The following QKI variants were observed in gnomAD, a reference collection of about 807,000 sequenced individuals.
QKI encodes QKI, KH domain containing RNA binding.
QKI carries 10 observed loss-of-function variants against 39.0 expected under a neutral mutation model. The observed-to-expected ratio is 0.26, with a 90% confidence interval of 0.16 to 0.43. The LOEUF (loss-of-function observed/expected upper bound fraction) is 0.43, where lower values mean the gene tolerates loss of function less well. Ranked by LOEUF, QKI falls within the 20% of genes least tolerant of loss-of-function variation. The pLI, the probability that QKI is intolerant of heterozygous loss-of-function variation, is 1.00. For synonymous variants in QKI, 204 were observed against 155.4 expected, an observed-to-expected ratio of 1.31 and a Z score of -2.33; for missense variants, 218 against 428.0, an observed-to-expected ratio of 0.51 and a Z score of 4.33.
intron 1 of QKI, among the ~76,000 whole-genome samples, chr6:163,432,886 A>G (rs1788948784): frequency 6.6e-6 from 1 of 152,194 alleles, no homozygotes; most frequent in Admixed American, 6.5e-5. Flanking sequence ...TAAATTTTGA[A>G]GGGTGATCTG....
intron 1 of QKI, among the ~76,000 whole-genome samples, chr6:163,417,450 T>C (rs1787612932): frequency 6.6e-6 from 1 of 152,224 alleles, no homozygotes; most frequent in Admixed American, 6.5e-5. Flanking sequence ...CTGCATACTT[T>C]TGCGTTCTTT....
chr6:163,507,115 C>T (rs1779150210), intron 3 of QKI, among the ~76,000 whole-genome samples: 2 of 152,176 alleles, frequency 1.3e-5, no homozygotes, highest in Admixed American at 1.3e-4. Flanking sequence ...TGCTGTATCA[C>T]CTGTGAATAC....
chr6:163,505,800 A>T (rs1779055987), intron 3 of QKI, among the ~76,000 whole-genome samples: 1 of 152,112 alleles, frequency 6.6e-6, no homozygotes, highest in South Asian at 2.1e-4. Flanking sequence ...GACTTTGGGG[A>T]AGTAACTAGT....
At chr6:163,467,172 C>T (rs189712528) in intron 2 of QKI, among the ~76,000 whole-genome samples, 6 of 152,284 alleles carry the variant, frequency 3.9e-5, no homozygotes, top group African/African-American at 7.2e-5. Flanking sequence ...CACACACACA[C>T]GTGCGTGTAC....
rs1777668532 is a variant in QKI at position 163,577,975 on chromosome 6, A to G, written c.*7265A>G. 6.6e-6 allele frequency: 1 copy of G among 152,204 alleles called. No individual in the cohort carries two copies. Among genetic ancestry groups the G allele is most frequent in the Non-Finnish European group, 1.5e-5 (1 of 68,044 alleles). The allele number at this position is 152,204 out of a possible 1,614,324, so 9.4% of individuals were successfully genotyped here. A position where few individuals can be genotyped will look rare whatever the true frequency, so the allele number is the denominator to read the frequency against. ...TAATTGACCATCTAATAGTTGTACT[A>G]TACATATGTCTAAAATAATAGTCAT... On this transcript the variant is annotated 3_prime_UTR_variant, in exon 8 of 8. Transcript: ENST00000361752.
intron 4 of QKI, among the ~76,000 whole-genome samples, chr6:163,559,840 C>T (rs1047865436): frequency 3.3e-5 from 5 of 152,148 alleles, no homozygotes; most frequent in Admixed American, 2.6e-4. Context: ...GTGTCCTGGT[C>T]GTCCTTCCCG....
chr6:163,466,575 T>A (rs1791772237), intron 2 of QKI, among the ~76,000 whole-genome samples: 1 of 152,102 alleles, frequency 6.6e-6, no homozygotes, highest in Non-Finnish European at 1.5e-5. Flanking sequence ...AACCTATGAA[T>A]ATAGAGTCAA....
At chr6:163,551,774 G>T (rs1019967762) in intron 4 of QKI, among the ~76,000 whole-genome samples, 5 of 152,230 alleles carry the variant, frequency 3.3e-5, no homozygotes, top group African/African-American at 1.2e-4. Flanking sequence ...TCATTACTGT[G>T]ATGAATACAT....
intron 3 of QKI, among the ~76,000 whole-genome samples, chr6:163,502,632 A>G (rs1198781208): frequency 6.6e-6 from 1 of 152,152 alleles, no homozygotes; most frequent in Non-Finnish European, 1.5e-5. Flanking sequence ...TTTATGGCAA[A>G]CTTGAAATTT....
At chr6:163,498,144 T>G (rs1055175122) in intron 3 of QKI, among the ~76,000 whole-genome samples, 2 of 149,494 alleles carry the variant, frequency 1.3e-5, no homozygotes, top group African/African-American at 4.9e-5. Context: ...GCTTATAGGA[T>G]TTAATTCATG....
At chr6:163,544,357 G>C (rs900900671) in intron 4 of QKI, among the ~76,000 whole-genome samples, 4 of 152,044 alleles carry the variant, frequency 2.6e-5, no homozygotes, top group African/African-American at 9.7e-5. Flanking sequence ...ATGGGTTTTG[G>C]TATCTGTAGA....
intron 3 of QKI, among the ~76,000 whole-genome samples, chr6:163,526,221 T>A (rs1029881024): frequency 3.9e-5 from 6 of 152,220 alleles, no homozygotes; most frequent in Non-Finnish European, 1.5e-5. Flanking sequence ...TTATTGAAAC[T>A]GGGATTTTGA....
chr6:163,429,759 T>C (rs1056171191), intron 1 of QKI, among the ~76,000 whole-genome samples: 148 of 152,298 alleles, frequency 9.7e-4, no homozygotes, highest in African/African-American at 3.4e-3. Context: ...CATGTATTAG[T>C]TTTTAGTGAC....
At chr6:163,534,672 C>T (rs1020796300) in intron 3 of QKI, among the ~76,000 whole-genome samples, 3 of 152,160 alleles carry the variant, frequency 2.0e-5, no homozygotes, top group Admixed American at 6.5e-5. Flanking sequence ...TTGTATGATA[C>T]TACATACATG....
chr6:163,567,588 A>G lies in QKI; in HGVS notation c.1009+793A>G. 5 of 983,476 alleles carry G rather than the reference A, an allele frequency of 5.1e-6. No homozygotes were observed. In the South Asian group the frequency reaches 2.4e-4, roughly 46 times the overall value. 60.9% of individuals were successfully genotyped at this position (983,476 alleles called of 1,614,324 possible). ...CATTTTTCTCCTTTACAACTTTTAT[A>G]ATTTGTGTCCTGTATATGCCCTTGG... On this transcript the variant is annotated intron_variant, in intron 7 of 7. Transcript: ENST00000361752.
chr6:163,520,285 A>G (rs1217665990), intron 3 of QKI, among the ~76,000 whole-genome samples: 3 of 152,176 alleles, frequency 2.0e-5, no homozygotes, highest in Non-Finnish European at 4.4e-5. Flanking sequence ...GTAAAGTATA[A>G]GATAATAAAA....
chr6:163,556,396 C>A (rs1203616596), intron 4 of QKI, among the ~76,000 whole-genome samples: 1 of 151,146 alleles, frequency 6.6e-6, no homozygotes, highest in Non-Finnish European at 1.5e-5. Flanking sequence ...CCTGTAATCC[C>A]AGCTACTTGG....
chr6:163,504,892 T>C (rs1295463028), intron 3 of QKI, among the ~76,000 whole-genome samples: 1 of 152,222 alleles, frequency 6.6e-6, no homozygotes, highest in Non-Finnish European at 1.5e-5. Context: ...TTTAAAAATG[T>C]TTATTAGCTC....
At chr6:163,518,394 C>T (rs976554256) in intron 3 of QKI, among the ~76,000 whole-genome samples, 5 of 151,898 alleles carry the variant, frequency 3.3e-5, no homozygotes, top group African/African-American at 1.2e-4. Context: ...TAGAAGGGGC[C>T]GAGATAAGCA....
Sources: allele counts gnomAD v4.1 joint callset (sites outside exome capture counted in the v4.1 genomes callset), GRCh38; gene constraint gnomAD v4.1.1; transcripts MANE v1.5; gene names NCBI Gene and HGNC (gene_info 2026-07-23, HGNC 2026-07-21).